DLAT: variants seen among roughly 807,000 people sequenced by gnomAD.
DLAT encodes the protein dihydrolipoamide S-acetyltransferase, also known as dihydrolipoyllysine-residue acetyltransferase component of pyruvate dehydrogenase complex, mitochondrial.
In DLAT, 43 loss-of-function variants were observed where a neutral mutation model predicts 68.0. That is an observed-to-expected ratio of 0.63 (90% CI 0.50 to 0.81). DLAT has a LOEUF of 0.81. Ranked by LOEUF, DLAT falls within the 40% of genes least tolerant of loss-of-function variation. The pLI is 0.00. For missense variants in DLAT, 745 were observed against 815.4 expected (o/e 0.91, Z 1.05); for synonymous variants, 265 against 288.6 (o/e 0.92, Z 0.83).
rs1286640811 is a variant in DLAT, at chr11:112,063,854, C to T, written c.*1319C>T. ...ATTAATATTTATGTGTTTTAATAAA[C>T]GTTTGAAATTATTTATGACTACTTA... On this transcript the variant is annotated 3_prime_UTR_variant, in exon 14 of 14. Transcript: ENST00000280346. 1.4e-5 allele frequency: 3 copies of T among 210,240 alleles called. No individual in the cohort carries two copies. The highest frequency in any genetic ancestry group is 1.0e-4 in the East Asian group (1 of 9,918). The allele number at this position is 210,240 out of a possible 1,614,324, so 13.0% of individuals were successfully genotyped here.
Position 112,059,908 on chromosome 11 carries a change from A to G in DLAT, c.1520A>G (p.His507Arg), listed in dbSNP as rs1250428086. 7 of 1,605,360 alleles carry G rather than the reference A, an allele frequency of 4.4e-6. No homozygotes were observed. The highest frequency in any genetic ancestry group is 4.5e-5 in the East Asian group (2 of 44,444). The change falls in exon 12 of 14, where the codon CAT (histidine) becomes CGT (arginine). Residue 507 changes from histidine (H) to arginine (R), a missense_variant. Physicochemically the swap from His to Arg is conservative, Grantham distance 29 (BLOSUM62 0). Transcript: ENST00000280346. ...SWMDTVIRQN[H>R]VVDVSVAVST... The stretch of plus-strand genomic sequence containing the variant: ...TTATTTTTCTTTTTAAACAGAAATC[A>G]TGTTGTTGATGTCAGTGTTGCGGTC...
At chr11:112,048,828 C>T (rs1863464267) in intron 10 of DLAT, among the ~76,000 whole-genome samples, 1 of 152,160 alleles carries the variant, frequency 6.6e-6, no homozygotes. Flanking sequence ...GCCCCCATGC[C>T]TGGCCTATTT....
intron 10 of DLAT, among the ~76,000 whole-genome samples, chr11:112,046,263 G>C (rs1340028366): frequency 6.6e-6 from 1 of 151,984 alleles, no homozygotes; most frequent in Non-Finnish European, 1.5e-5. Flanking sequence ...TTATATTCAG[G>C]TCTTTGCTCT....
intron 12 of DLAT, among the ~76,000 whole-genome samples, chr11:112,060,503 G>A (rs1254274187): frequency 6.6e-6 from 1 of 152,036 alleles, no homozygotes; most frequent in Non-Finnish European, 1.5e-5. Flanking sequence ...CACCCAGGTT[G>A]GAGTACAATG....
At chr11:112,039,470 T>G in intron 7 of DLAT, 73 bp downstream of exon 7, 2 of 1,432,056 alleles carry the variant, frequency 1.4e-6, no homozygotes, top group Non-Finnish European at 2.0e-6. Flanking sequence ...GACTTGCAAG[T>G]ACAACTATGT....
At chr11:112,054,378 G>A (rs1396019231) in intron 11 of DLAT, among the ~76,000 whole-genome samples, 1 of 152,054 alleles carries the variant, frequency 6.6e-6, no homozygotes, top group African/African-American at 2.4e-5. Flanking sequence ...TTTAGAGTAT[G>A]TGTGTGTGTC....
At position 112,064,097 on chromosome 11, in the gene DLAT, A is replaced by G; in HGVS notation, c.*1562A>G. 1 of 1,279,786 alleles carries G rather than the reference A, an allele frequency of 7.8e-7. No individual in the cohort carries two copies. 79.3% of individuals were successfully genotyped at this position (1,279,786 alleles called of 1,614,324 possible). On this transcript the variant is annotated 3_prime_UTR_variant, in exon 14 of 14. Coordinates refer to ENST00000280346, the MANE Select transcript of DLAT (RefSeq NM_001931.5). ...TTCAGTAATTAGTAATTTTAGGTTG[A>G]AGATTATCCAAAAGAAACAAGCTTA...
At chr11:112,054,676 A>G (rs1404944965) in intron 11 of DLAT, among the ~76,000 whole-genome samples, 1 of 152,202 alleles carries the variant, frequency 6.6e-6, no homozygotes, top group East Asian at 1.9e-4. Context: ...TATAAACTGT[A>G]TAGTTTTCCA....
intron 7 of DLAT, among the ~76,000 whole-genome samples, chr11:112,041,499 AAG>A (rs1863048666): frequency 6.6e-6 from 1 of 152,176 alleles, no homozygotes; most frequent in African/African-American, 2.4e-5. Flanking sequence ...CAACCATGTG[AAG>A]AACTGGGGAA....
Position 112,026,999 on chromosome 11 carries a change from C to T in DLAT, c.381+700C>T, listed in dbSNP as rs1862066332. Among the ~76,000 whole-genome samples the T allele has an allele frequency of 2.0e-5, 3 of 151,688 alleles. No homozygotes were observed. In the South Asian group the frequency reaches 6.2e-4, roughly 32 times the overall value. On this transcript the variant is annotated intron_variant, in intron 2 of 13. Transcript: ENST00000280346. Reference sequence around the variant, plus strand: ...GGCTGGCTGGGCGGGGGGCTGGCCCCACCACCTCCCTCCCAGACGGGGCGG... The same window carrying T: ...GGCTGGCTGGGCGGGGGGCTGGCCCTACCACCTCCCTCCCAGACGGGGCGG...
Position 112,025,771 on chromosome 11 carries a change from T to G in DLAT, c.279+20T>G, listed in dbSNP as rs782457770. ...CAGAAGGTGAGCCCTAGACCCCCCT[T>G]CTCGGGACCCCGTTGTCCTTCAGAG... On this transcript the variant is annotated intron_variant, in intron 1 of 13. Transcript: ENST00000280346. 9 of 1,612,544 alleles carry G rather than the reference T, an allele frequency of 5.6e-6. No individual in the cohort carries two copies. The East Asian group carries it at 2.0e-4, about 36-fold the overall frequency.
chr11:112,049,408 A>G (rs182529874), intron 10 of DLAT, among the ~76,000 whole-genome samples: 276 of 152,222 alleles, frequency 1.8e-3, no homozygotes, highest in Middle Eastern at 3.4e-3. Flanking sequence ...AGTCTCTTTC[A>G]ACAGTTTTTT....
intron 12 of DLAT, among the ~76,000 whole-genome samples, chr11:112,060,481 T>C (rs1407634776): frequency 1.3e-5 from 2 of 150,132 alleles, no homozygotes; most frequent in Admixed American, 6.7e-5. Flanking sequence ...TGAAACAGAG[T>C]CTCACTCTTG....
chr11:112,042,523 A>G (rs1042574960), intron 7 of DLAT, among the ~76,000 whole-genome samples: 2 of 152,240 alleles, frequency 1.3e-5, no homozygotes, highest in Non-Finnish European at 2.9e-5. Context: ...ACTACACACA[A>G]CAAGAGTCCT....
intron 7 of DLAT, among the ~76,000 whole-genome samples, chr11:112,042,930 GAAAA>G (rs1248618759): frequency 3.3e-5 from 5 of 152,122 alleles, no homozygotes; most frequent in Non-Finnish European, 5.9e-5. Flanking sequence ...ATTTTGGGGT[GAAAA>G]AATCGACTTG....
chr11:112,055,694 C>T (rs1417115221), intron 11 of DLAT, among the ~76,000 whole-genome samples: 3 of 151,626 alleles, frequency 2.0e-5, no homozygotes, highest in African/African-American at 4.8e-5. Context: ...ATTCCTTTTC[C>T]GTGCTATGGC....
chr11:112,062,373 C>A, intron 13 of DLAT, 33 bp from the exon 14 acceptor site: 1 of 1,611,204 alleles, frequency 6.2e-7, no homozygotes, highest in Non-Finnish European at 8.5e-7. Context: ...TATTTTCTTT[C>A]AGAATATCTA....
At chr11:112,041,753 G>A (rs1360593035) in intron 7 of DLAT, among the ~76,000 whole-genome samples, 1 of 152,102 alleles carries the variant, frequency 6.6e-6, no homozygotes, top group African/African-American at 2.4e-5. Context: ...ATGGTGGCAG[G>A]CGCCTGTGGT....
chr11:112,060,942 C>A (rs919945707), intron 12 of DLAT, 96 bp from the exon 13 acceptor site: 2 of 1,120,502 alleles, frequency 1.8e-6, no homozygotes, highest in South Asian at 2.8e-5. Context: ...TAAGACCTTG[C>A]ACCTTTTTAG....
Sources: allele counts gnomAD v4.1 joint callset (sites outside exome capture counted in the v4.1 genomes callset), GRCh38; gene constraint gnomAD v4.1.1; transcripts MANE v1.5; gene names NCBI Gene and HGNC (gene_info 2026-07-23, HGNC 2026-07-21).